The following USP4 variants were observed in gnomAD, a reference collection of about 807,000 sequenced individuals.
USP4 encodes ubiquitin specific peptidase 4.
Under a neutral mutation model 118.2 loss-of-function variants are expected in USP4, and 72 were observed. The ratio of observed to expected loss-of-function variants is 0.61; its 90% CI spans 0.50 to 0.74. USP4 has a LOEUF of 0.74. Among genes scored for constraint, USP4 ranks in the 30% least tolerant of loss-of-function variants. The probability of loss-of-function intolerance (pLI) is 0.00; values close to 1 mark genes in which losing one functional copy is unlikely to be tolerated. For synonymous variants in USP4, 415 were observed against 440.4 expected (o/e 0.94, Z 0.72); for missense variants, 1,037 against 1,185.7 (o/e 0.87, Z 1.84).
Position 49,309,943 on chromosome 3 carries a change from C to CTT in USP4, c.954+675_954+676dup, listed in dbSNP as rs773669515. On this transcript the variant is annotated intron_variant, in intron 8 of 21. Coordinates refer to ENST00000265560, the MANE Select transcript of USP4 (RefSeq NM_003363.4). ...TGCTGCCCCCGGACTTTTTTTTAAT[C>CTT]TTTTTTTTTTTTTTTTTTTTTTTGA... Among the ~76,000 whole-genome samples, 26 of 40,226 alleles carry CTT rather than the reference C, an allele frequency of 6.5e-4. 2 individuals carry two copies. Among genetic ancestry groups the CTT allele is most frequent in the African/African-American group, 1.0e-3 (9 of 8,718 alleles). The allele number at this position is 40,226 out of a possible 152,430, so 26.4% of individuals were successfully genotyped here. A position where few individuals can be genotyped will look rare whatever the true frequency, so the allele number is the denominator to read the frequency against.
intron 18 of USP4, 88 bp downstream of exon 18, chr3:49,284,378 C>CA: frequency 8.7e-7 from 1 of 1,143,532 alleles, no homozygotes; most frequent in South Asian, 1.4e-5. Flanking sequence ...CATCCAAATA[C>CA]AAAGGGGTTT....
Position 49,325,782 on chromosome 3 carries a change from GCTT to G in USP4, c.421_423del (p.Lys141del). The G allele has an allele frequency of 6.2e-7, 1 of 1,614,008 alleles. No homozygotes were observed. On this transcript the variant is annotated inframe_deletion, in exon 4 of 22. Transcript: ENST00000265560. ...TTGGTGGGGTCACTGTTCTCACAGA[GCTT>G]CAGTTCCAGCAAATACACCTCGACT...
intron 14 of USP4, 95 bp downstream of exon 14, chr3:49,294,312 T>G: frequency 7.4e-7 from 1 of 1,344,292 alleles, no homozygotes; most frequent in South Asian, 1.4e-5. Context: ...GGTGAGCATG[T>G]AGGATCAACA....
At chr3:49,281,840 G>A (rs1251284064) in intron 19 of USP4, among the ~76,000 whole-genome samples, 5 of 151,200 alleles carry the variant, frequency 3.3e-5, no homozygotes, top group African/African-American at 1.2e-4. Flanking sequence ...GTAAAACCCC[G>A]TCTCTACTAA....
intron 14 of USP4, 22 bp from the exon 15 acceptor site, chr3:49,292,620 A>AG (rs1163228183): frequency 9.3e-6 from 14 of 1,498,670 alleles, no homozygotes; most frequent in East Asian, 4.8e-5. Flanking sequence ...GAAAAAGAGA[A>AG]GAAAAAAAAG....
intron 6 of USP4, among the ~76,000 whole-genome samples, chr3:49,322,789 T>C (rs1297977960): frequency 7.8e-6 from 1 of 127,738 alleles, no homozygotes; most frequent in South Asian, 2.5e-4. Flanking sequence ...AACCCGGGAG[T>C]GGGGGTGCAG....
chr3:49,287,751 C>T, intron 15 of USP4, among the ~76,000 whole-genome samples: 1 of 152,112 alleles, frequency 6.6e-6, no homozygotes, highest in East Asian at 1.9e-4. Context: ...GGATTACAGG[C>T]GTCAGCCACC....
intron 6 of USP4, among the ~76,000 whole-genome samples, chr3:49,314,402 A>G (rs1168825822): frequency 6.6e-6 from 1 of 152,200 alleles, no homozygotes; most frequent in African/African-American, 2.4e-5. Context: ...GCTGCAAAGG[A>G]GTCCAAGAAC....
At chr3:49,313,250 G>A (rs2107789693) in intron 6 of USP4, among the ~76,000 whole-genome samples, 1 of 152,278 alleles carries the variant, frequency 6.6e-6, no homozygotes, top group South Asian at 2.1e-4. Context: ...AATAAGGCCA[G>A]GCGAGGTAGC....
chr3:49,303,763 T>A (rs987071095), intron 9 of USP4, among the ~76,000 whole-genome samples: 2 of 152,154 alleles, frequency 1.3e-5, no homozygotes, highest in Non-Finnish European at 2.9e-5. Context: ...CTTTTTTATT[T>A]TTTTTTCTGG....
intron 15 of USP4, among the ~76,000 whole-genome samples, chr3:49,289,584 A>G (rs1559466061): frequency 6.6e-6 from 1 of 152,164 alleles, no homozygotes; most frequent in East Asian, 1.9e-4. Flanking sequence ...GAAGCCAAAT[A>G]TTGAGGCCGG....
At position 49,277,201 on chromosome 3, in the gene USP4, G is replaced by C; in HGVS notation, c.*1092C>G. Reference sequence around the variant, plus strand: ...TTGTCCTCACCCGCAGCGCAGTGACGCCGACCCATCCAACGGTCATCGCAT... The same window carrying C: ...TTGTCCTCACCCGCAGCGCAGTGACCCCGACCCATCCAACGGTCATCGCAT... On this transcript the variant is annotated 3_prime_UTR_variant, in exon 22 of 22. Transcript: ENST00000265560. 7.4e-7 allele frequency: 1 copy of C among 1,348,378 alleles called. No homozygotes were observed. Among genetic ancestry groups the C allele is most frequent in the Non-Finnish European group, 9.7e-7 (1 of 1,027,280 alleles). The allele number at this position is 1,348,378 out of a possible 1,614,324, so 83.5% of individuals were successfully genotyped here.
In USP4 at chr3:49,278,478, T is replaced by C. The variant is rs973609101; in HGVS notation, c.2734-27A>G. The C allele has an allele frequency of 1.9e-5, 31 of 1,604,824 alleles. No homozygotes were observed. The African/African-American group carries it at 3.7e-4, about 19-fold the overall frequency. On this transcript the variant is annotated intron_variant, in intron 21 of 21. Coordinates refer to ENST00000265560, the MANE Select transcript of USP4 (RefSeq NM_003363.4). ...TGAAATACAAGAGGGGGAAAGACCA[T>C]TCAGTGCTTGGAAAAATCACCCATT...
chr3:49,339,884 C>T (rs759528158), intron 1 of USP4, 40 bp downstream of exon 1: 2 of 1,571,256 alleles, frequency 1.3e-6, no homozygotes, highest in Non-Finnish European at 8.7e-7. Flanking sequence ...TTTTCTCGGC[C>T]CCTGGTTCTG....
rs777045646 is a variant in USP4, at chr3:49,300,155, A to G, written c.1512+312T>C. Among the ~76,000 whole-genome samples the G allele has an allele frequency of 7.2e-4, 109 of 152,142 alleles. 1 individual carries two copies. The highest frequency in any genetic ancestry group is 1.1e-3 in the Non-Finnish European group (72 of 68,004). On this transcript the variant is annotated intron_variant, in intron 11 of 21. Coordinates refer to ENST00000265560, the MANE Select transcript of USP4 (RefSeq NM_003363.4). The stretch of plus-strand genomic sequence containing the variant: ...CCGGCTACTGAGTGGCTGAGGTAGG[A>G]GAATCGCTTGAACCTGGGAGGAAGA...
intron 9 of USP4, among the ~76,000 whole-genome samples, chr3:49,303,838 C>T (rs769799077): frequency 5.1e-4 from 78 of 152,108 alleles, no homozygotes; most frequent in Admixed American, 1.0e-3. Flanking sequence ...CTGCAACCTC[C>T]GCCTCCCAGG....
At chr3:49,325,145 G>A (rs1373990681) in intron 4 of USP4, 106 bp from the exon 5 acceptor site, 2 of 1,415,358 alleles carry the variant, frequency 1.4e-6, no homozygotes, top group African/African-American at 2.9e-5. Flanking sequence ...GCTCACAGGT[G>A]CTCTGGATCA....
At chr3:49,302,832 T>C (rs1051498104) in intron 9 of USP4, among the ~76,000 whole-genome samples, 3 of 152,150 alleles carry the variant, frequency 2.0e-5, no homozygotes, top group African/African-American at 7.2e-5. Flanking sequence ...AGTACTGACA[T>C]GAATCCCTCT....
Position 49,291,531 on chromosome 3 carries a change from G to A in USP4, c.1972+979C>T, listed in dbSNP as rs1488982762. On this transcript the variant is annotated intron_variant, in intron 15 of 21. Coordinates refer to ENST00000265560, the MANE Select transcript of USP4 (RefSeq NM_003363.4). ...AAAGGTTGCAGTGAGCCAAGATCGCGCCACTGCGCTCCTGCATGGGCGACA... is the reference window on the plus strand; with the variant it reads ...AAAGGTTGCAGTGAGCCAAGATCGCACCACTGCGCTCCTGCATGGGCGACA... 2.8e-5 allele frequency among the ~76,000 whole-genome samples: 4 copies of A among 145,342 alleles called. No homozygotes were observed. In the South Asian group the frequency reaches 6.5e-4, roughly 24 times the overall value.
Sources: gnomAD v4.1 joint callset for allele counts (sites outside exome capture counted in the v4.1 genomes callset) on GRCh38, gnomAD v4.1.1 for gene constraint, MANE v1.5 for transcripts, NCBI Gene and HGNC (gene_info 2026-07-23, HGNC 2026-07-21) for gene names.